The following TYW1 variants were observed in gnomAD, a reference collection of about 807,000 sequenced individuals.
TYW1 encodes S-adenosyl-L-methionine-dependent tRNA 4-demethylwyosine synthase TYW1.
Under a neutral mutation model 96.2 loss-of-function variants are expected in TYW1, and 46 were observed. The ratio of observed to expected loss-of-function variants is 0.48; its 90% CI spans 0.38 to 0.61. The LOEUF (loss-of-function observed/expected upper bound fraction) is 0.61. Ranked by LOEUF, TYW1 falls within the 20% of genes least tolerant of loss-of-function variation. The pLI is 0.00. For synonymous variants in TYW1, 274 were observed against 323.0 expected, an observed-to-expected ratio of 0.85 and a Z score of 1.63; for missense variants, 684 against 909.6, an observed-to-expected ratio of 0.75 and a Z score of 3.19.
chr7:67,046,719 G>A (rs1253308221), intron 7 of TYW1, among the ~76,000 whole-genome samples: 4 of 152,150 alleles, frequency 2.6e-5, no homozygotes, highest in Non-Finnish European at 5.9e-5. Context: ...TTTCTTTTCA[G>A]AAACGAAATT....
intron 13 of TYW1, among the ~76,000 whole-genome samples, chr7:67,160,601 C>A (rs57129971): frequency 0.24 from 33,076 of 137,364 alleles, 4,520 homozygotes; most frequent in African/African-American, 0.32. Context: ...TAAAATTTTT[C>A]ACTTTTTTGA....
intron 8 of TYW1, among the ~76,000 whole-genome samples, chr7:67,052,487 C>G (rs1795387367): frequency 6.6e-6 from 1 of 152,102 alleles, no homozygotes; most frequent in Admixed American, 6.6e-5. Context: ...GTTTTCATTT[C>G]TAGAAGTTCA....
At chr7:67,176,014 G>C (rs995872815) in intron 13 of TYW1, among the ~76,000 whole-genome samples, 13 of 152,048 alleles carry the variant, frequency 8.5e-5, no homozygotes, top group African/African-American at 3.1e-4. Flanking sequence ...TCCAAAATTT[G>C]TAATTATTCG....
intron 13 of TYW1, among the ~76,000 whole-genome samples, chr7:67,158,502 A>G (rs1448579019): frequency 2.0e-5 from 3 of 152,164 alleles, no homozygotes; most frequent in Admixed American, 2.0e-4. Context: ...TGTTGAATGA[A>G]TTTTGAATGT....
chr7:67,002,963 G>T (rs562000846), intron 3 of TYW1, among the ~76,000 whole-genome samples: 2 of 151,586 alleles, frequency 1.3e-5, no homozygotes, highest in South Asian at 4.2e-4. Context: ...TGGAGACGGG[G>T]TTTCTGCATG....
At chr7:67,001,158 A>G (rs1793374525) in intron 3 of TYW1, among the ~76,000 whole-genome samples, 1 of 152,340 alleles carries the variant, frequency 6.6e-6, no homozygotes, top group East Asian at 1.9e-4. Flanking sequence ...CAGAAAGTTC[A>G]TAATGAAATG....
At chr7:67,033,235 C>T (rs1794728393) in intron 7 of TYW1, among the ~76,000 whole-genome samples, 1 of 152,062 alleles carries the variant, frequency 6.6e-6, no homozygotes, top group African/African-American at 2.4e-5. Flanking sequence ...CTCCTCTGTG[C>T]CCTGTCCCTC....
In TYW1 at chr7:67,009,647, T is replaced by A. The variant is rs763677059; in HGVS notation, c.338T>A (p.Leu113Gln). The A allele has an allele frequency of 1.5e-5, 24 of 1,611,818 alleles. No individual in the cohort carries two copies. Among genetic ancestry groups the A allele is most frequent in the Non-Finnish European group, 2.5e-6 (3 of 1,179,600 alleles). Residue 113 changes from leucine to glutamine, a missense_variant, in exon 4 of 16, where the codon CTA becomes CAA. By Grantham distance (113) the Leu-to-Gln change is moderately radical (BLOSUM62 -2). Coordinates refer to ENST00000359626, the MANE Select transcript of TYW1 (RefSeq NM_018264.4). ...SLDLPVAIIN[L>Q]KEYDPDDHLI... ...GATCTGCCTGTGGCCATTATTAATC[T>A]AAAAGAATATGATCCAGATGATCAT...
At chr7:67,072,020 TTTAGACTCTTCCTAGGCCGCTTC>T (rs1448511161) in intron 10 of TYW1, among the ~76,000 whole-genome samples, 7 of 149,292 alleles carry the variant, frequency 4.7e-5, no homozygotes, top group African/African-American at 1.5e-4. Flanking sequence ...GAGGTGAAAG[TTTAGACTCTTCCTAGGCCGCTTC>T]TTAGCATGTC....
intron 13 of TYW1, among the ~76,000 whole-genome samples, chr7:67,128,690 GTTTTTTT>G (rs59475781): frequency 7.3e-6 from 1 of 137,028 alleles, no homozygotes; most frequent in Non-Finnish European, 1.6e-5. Flanking sequence ...AGGTCTCAGT[GTTTTTTT>G]TTTTTTTTTT....
intron 10 of TYW1, among the ~76,000 whole-genome samples, chr7:67,071,388 A>G (rs974098488): frequency 8.0e-5 from 10 of 124,798 alleles, no homozygotes; most frequent in African/African-American, 2.1e-4. Flanking sequence ...AAAAAATTGG[A>G]AAAAAAAAAA....
At chr7:67,158,270 A>G (rs1447687189) in intron 13 of TYW1, among the ~76,000 whole-genome samples, 4 of 151,316 alleles carry the variant, frequency 2.6e-5, no homozygotes, top group Non-Finnish European at 5.9e-5. Context: ...TGTATTTTTA[A>G]TAGAGACAGG....
intron 15 of TYW1, among the ~76,000 whole-genome samples, chr7:67,223,607 G>T (rs937857619): frequency 6.6e-6 from 1 of 150,460 alleles, no homozygotes; most frequent in African/African-American, 2.5e-5. Flanking sequence ...AAGCTAGACA[G>T]GGAGGGGCTT....
chr7:67,068,815 A>T (rs1795950867), intron 10 of TYW1, among the ~76,000 whole-genome samples: 1 of 152,110 alleles, frequency 6.6e-6, no homozygotes, highest in Non-Finnish European at 1.5e-5. Context: ...TTTCAAGCTT[A>T]ATGTATTTAT....
intron 15 of TYW1, among the ~76,000 whole-genome samples, chr7:67,197,540 G>A (rs559713171): frequency 4.6e-5 from 7 of 152,276 alleles, no homozygotes; most frequent in Admixed American, 4.6e-4. Context: ...TAGCCAGGCT[G>A]GTTTCGACCT....
chr7:67,050,658 G>A (rs1297684949), intron 8 of TYW1, among the ~76,000 whole-genome samples: 1 of 152,038 alleles, frequency 6.6e-6, no homozygotes, highest in East Asian at 1.9e-4. Context: ...ATATATATAT[G>A]TTTGTATTTT....
At chr7:67,092,494 A>G (rs1796754694) in intron 11 of TYW1, among the ~76,000 whole-genome samples, 1 of 152,034 alleles carries the variant, frequency 6.6e-6, no homozygotes, top group African/African-American at 2.4e-5. Context: ...TCCGACTGGA[A>G]TGCTCTTCCG....
intron 15 of TYW1, among the ~76,000 whole-genome samples, chr7:67,225,230 A>G (rs1801523503): frequency 6.6e-6 from 1 of 151,198 alleles, no homozygotes; most frequent in Non-Finnish European, 1.5e-5. Flanking sequence ...AGTCTTGTCC[A>G]AGGGCAAGTA....
intron 14 of TYW1, among the ~76,000 whole-genome samples, chr7:67,190,506 C>T (rs1382630817): frequency 1.3e-5 from 2 of 152,194 alleles, no homozygotes; most frequent in African/African-American, 4.8e-5. Context: ...AGATCAGGGT[C>T]AGATAGCGTA....
Sources: allele counts gnomAD v4.1 joint callset (sites outside exome capture counted in the v4.1 genomes callset), GRCh38; gene constraint gnomAD v4.1.1; transcripts MANE v1.5; gene names NCBI Gene and HGNC (gene_info 2026-07-23, HGNC 2026-07-21).